The following SLC26A7 variants were observed in gnomAD, a reference collection of about 807,000 sequenced individuals.
SLC26A7 encodes anion exchange transporter.
A neutral mutation model predicts 82.5 loss-of-function variants in SLC26A7; 59 were observed. The ratio of observed to expected loss-of-function variants is 0.72; its 90% CI spans 0.58 to 0.89. The LOEUF (loss-of-function observed/expected upper bound fraction) is 0.89. Among genes scored for constraint, SLC26A7 ranks in the 40% least tolerant of loss-of-function variants. The pLI is 0.00. For synonymous variants in SLC26A7, 271 were observed against 274.3 expected, an observed-to-expected ratio of 0.99 and a Z score of 0.12; for missense variants, 820 against 793.0, an observed-to-expected ratio of 1.03 and a Z score of -0.41.
chr8:91,245,617 A>G (rs1810534855), upstream of SLC26A7, among the ~76,000 whole-genome samples: 1 of 152,168 alleles, frequency 6.6e-6, no homozygotes, highest in South Asian at 2.1e-4. Context: ...TGTCTGATCT[A>G]TACTTTTCAT....
chr8:91,283,680 A>C (rs1811633757), intron 2 of SLC26A7, among the ~76,000 whole-genome samples: 1 of 152,160 alleles, frequency 6.6e-6, no homozygotes, highest in Non-Finnish European at 1.5e-5. Flanking sequence ...AAGTTTTTAA[A>C]TGCAAGCAAA....
At chr8:91,348,720 C>T (rs113362062) in intron 9 of SLC26A7, among the ~76,000 whole-genome samples, 4,483 of 58,042 alleles carry the variant, frequency 0.077, 215 homozygotes, top group African/African-American at 0.3. Context: ...TTTTTTTTTT[C>T]CTGAGATTAA....
rs1814088124 is a variant in SLC26A7, at chr8:91,362,860, CAGATT to C, written c.1421+403_1421+407del. Among the ~76,000 whole-genome samples, 3 of 152,080 alleles carry C rather than the reference CAGATT, an allele frequency of 2.0e-5. No homozygotes were observed. The South Asian group carries it at 6.2e-4, about 32-fold the overall frequency. The stretch of plus-strand genomic sequence containing the variant: ...TCAGAAAATTTTATTTTTCAGAAGT[CAGATT>C]AATCTATTTTCTAGATAATTTATTG... On this transcript the variant is annotated intron_variant, in intron 12 of 18. Transcript: ENST00000276609.
intron 14 of SLC26A7, among the ~76,000 whole-genome samples, chr8:91,369,312 G>A (rs1472582909): frequency 6.6e-6 from 1 of 151,234 alleles, no homozygotes; most frequent in Non-Finnish European, 1.5e-5. Flanking sequence ...AATAGCAGAT[G>A]ATCTCCTTAG....
intron 4 of SLC26A7, among the ~76,000 whole-genome samples, chr8:91,316,988 TAAAAAAAAAAAAAAAAAAAA>T (rs61581659): frequency 1.3e-4 from 2 of 15,500 alleles, no homozygotes; most frequent in African/African-American, 3.0e-4. Flanking sequence ...ACCCTGTCTC[TAAAAAAAAAAAAAAAAAAAA>T]AAAAAAAAAA....
intron 9 of SLC26A7, among the ~76,000 whole-genome samples, chr8:91,350,567 TA>T (rs1335498896): frequency 6.6e-6 from 1 of 152,060 alleles, no homozygotes; most frequent in Non-Finnish European, 1.5e-5. Context: ...TCCTATAATT[TA>T]TCTTTTTTTC....
intron 17 of SLC26A7, 31 bp downstream of exon 17, chr8:91,393,882 G>T: frequency 1.2e-6 from 2 of 1,613,370 alleles, no homozygotes; most frequent in Non-Finnish European, 1.7e-6. Flanking sequence ...AACGTTGAAT[G>T]TGATTTTTCT....
At chr8:91,384,553 C>T (rs190542568) in intron 15 of SLC26A7, among the ~76,000 whole-genome samples, 1 of 152,304 alleles carries the variant, frequency 6.6e-6, no homozygotes, top group East Asian at 1.9e-4. Flanking sequence ...CTGTCCATCA[C>T]ACAAGGTCTC....
chr8:91,307,264 G>A (rs1812336840), intron 4 of SLC26A7, among the ~76,000 whole-genome samples: 5 of 103,318 alleles, frequency 4.8e-5, no homozygotes, highest in Admixed American at 3.2e-4. Flanking sequence ...ATCTAGAACT[G>A]GAAATACCAT....
At position 91,395,105 on chromosome 8, in the gene SLC26A7, T is replaced by G. The variant is rs80320370; in HGVS notation, c.*8T>G. On this transcript the variant is annotated 3_prime_UTR_variant, in exon 19 of 19. Transcript: ENST00000276609. Reference sequence around the variant, plus strand: ...GACCACAGTGAAGTCTGAGACCCTTTTGTCACAGTACAGCTCTTGTCTTTA... The same window carrying G: ...GACCACAGTGAAGTCTGAGACCCTTGTGTCACAGTACAGCTCTTGTCTTTA... The G allele has an allele frequency of 6.2e-7, 1 of 1,613,228 alleles. No homozygotes were observed. Among genetic ancestry groups the G allele is most frequent in the Admixed American group, 1.7e-5 (1 of 59,980 alleles).
chr8:91,323,274 TAGA>T (rs1812840983), intron 5 of SLC26A7, among the ~76,000 whole-genome samples: 1 of 152,214 alleles, frequency 6.6e-6, no homozygotes, highest in Admixed American at 6.5e-5. Flanking sequence ...ATGCAGGGGA[TAGA>T]AGATGTGGCA....
rs796798551 is a variant in SLC26A7 at position 91,296,910 on chromosome 8, A to T, written c.477+1207A>T. On this transcript the variant is annotated intron_variant, in intron 4 of 18. Transcript: ENST00000276609. Reference sequence around the variant, plus strand: ...GGCTTTTCCTCCTTGCCTGGCCTGTATGAGGCTCTCTGAGATCTGTCATCT... The same window carrying T: ...GGCTTTTCCTCCTTGCCTGGCCTGTTTGAGGCTCTCTGAGATCTGTCATCT... 2.0e-5 allele frequency among the ~76,000 whole-genome samples: 3 copies of T among 152,290 alleles called. No individual in the cohort carries two copies. In the South Asian group the frequency reaches 6.2e-4, roughly 32 times the overall value.
At chr8:91,385,451 G>T (rs1017963159) in intron 15 of SLC26A7, among the ~76,000 whole-genome samples, 8 of 152,158 alleles carry the variant, frequency 5.3e-5, no homozygotes, top group African/African-American at 1.9e-4. Context: ...TTTCATTTGG[G>T]TGAATGGGTA....
chr8:91,279,206 A>C (rs1811499610), intron 2 of SLC26A7, among the ~76,000 whole-genome samples: 1 of 145,536 alleles, frequency 6.9e-6, no homozygotes, highest in Non-Finnish European at 1.5e-5. Flanking sequence ...TTTGATGGAC[A>C]CTTAAGTTGA....
At position 91,295,570 on chromosome 8, in the gene SLC26A7, T is replaced by A; in HGVS notation, c.344T>A (p.Val115Glu). The change falls in exon 4 of 19, where the codon GTG (valine) becomes GAG (glutamate). Residue 115 changes from valine to glutamate, a missense_variant. Transcript: ENST00000276609. ...ACATCCTTAATATCAGCCAACGCCG[T>A]GGAACGGATTGTCCCTCAGAACATG... ...ALTSLISANAVERIVPQNMQN... is the reference protein window; with the variant it reads ...ALTSLISANAEERIVPQNMQN... The A allele has an allele frequency of 1.2e-6, 2 of 1,613,988 alleles. No homozygotes were observed. The highest frequency in any genetic ancestry group is 1.7e-6 in the Non-Finnish European group (2 of 1,179,914).
intron 1 of SLC26A7, chr8:91,218,865 T>G: frequency 6.9e-7 from 1 of 1,443,588 alleles, no homozygotes; most frequent in South Asian, 1.3e-5. Context: ...CTGCCTAAAT[T>G]TTATTTTTAA....
In SLC26A7 at chr8:91,386,473, TA is replaced by T. The variant is rs527675591; in HGVS notation, c.1676-2859del. Among the ~76,000 whole-genome samples the T allele has an allele frequency of 3.8e-4, 58 of 152,256 alleles. No individual in the cohort carries two copies. The East Asian group carries it at 9.3e-3, about 24-fold the overall frequency. On this transcript the variant is annotated intron_variant, in intron 15 of 18. Transcript: ENST00000276609. ...CATTTGGTAAAAACAAGTAAGTGGA[TA>T]AAAAAGGACAAAATTTGACATCAAT...
At chr8:91,297,326 T>C (rs973591966) in intron 4 of SLC26A7, among the ~76,000 whole-genome samples, 6 of 151,886 alleles carry the variant, frequency 4.0e-5, no homozygotes, top group Non-Finnish European at 8.8e-5. Context: ...GAAACAATCA[T>C]CAGGTATTCT....
chr8:91,348,886 A>G (rs1418719271), intron 9 of SLC26A7, among the ~76,000 whole-genome samples: 2 of 152,210 alleles, frequency 1.3e-5, no homozygotes, highest in Non-Finnish European at 2.9e-5. Context: ...TAAGTGGGTT[A>G]TTATAGAATC....
Sources: allele counts gnomAD v4.1 joint callset (sites outside exome capture counted in the v4.1 genomes callset), GRCh38; gene constraint gnomAD v4.1.1; transcripts MANE v1.5; gene names NCBI Gene and HGNC (gene_info 2026-07-23, HGNC 2026-07-21).